The following EYA4 variants were observed in gnomAD, a reference collection of about 807,000 sequenced individuals.
EYA4 encodes the protein protein phosphatase EYA4.
Under a neutral mutation model 87.9 loss-of-function variants are expected in EYA4, and 31 were observed. The observed-to-expected ratio is 0.35, with a 90% confidence interval of 0.27 to 0.48. The LOEUF is 0.48. Among genes scored for constraint, EYA4 ranks in the 20% least tolerant of loss-of-function variants. The probability of loss-of-function intolerance (pLI) is 0.99; values close to 1 mark genes in which losing one functional copy is unlikely to be tolerated. For synonymous variants in EYA4, 263 were observed against 270.6 expected (o/e 0.97, Z 0.28); for missense variants, 678 against 761.4 (o/e 0.89, Z 1.29).
At chr6:133,387,780 T>C (rs1786878559) in intron 3 of EYA4, among the ~76,000 whole-genome samples, 1 of 152,208 alleles carries the variant, frequency 6.6e-6, no homozygotes, top group Admixed American at 6.5e-5. Context: ...GCTTAATCTT[T>C]TTCTTCCCAA....
intron 2 of EYA4, among the ~76,000 whole-genome samples, chr6:133,378,793 A>G (rs1388960397): frequency 6.6e-6 from 1 of 152,058 alleles, no homozygotes; most frequent in Admixed American, 6.6e-5. Flanking sequence ...ATAGTTAAAT[A>G]TTTAACTCTT....
chr6:133,352,189 G>T (rs936555241), intron 2 of EYA4, among the ~76,000 whole-genome samples: 1 of 152,104 alleles, frequency 6.6e-6, no homozygotes, highest in African/African-American at 2.4e-5. Context: ...CAAATAGTCT[G>T]ATAGTTTCAA....
intron 3 of EYA4, among the ~76,000 whole-genome samples, chr6:133,430,794 G>A (rs1309156668): frequency 6.6e-6 from 1 of 152,192 alleles, no homozygotes; most frequent in East Asian, 1.9e-4. Flanking sequence ...CAGGCCTTGT[G>A]CTAGGCTTCT....
At chr6:133,245,475 A>G (rs578191398) in intron 1 of EYA4, among the ~76,000 whole-genome samples, 6 of 152,202 alleles carry the variant, frequency 3.9e-5, no homozygotes, top group Non-Finnish European at 7.4e-5. Flanking sequence ...ATCTTAAACT[A>G]ATTATATTCA....
At chr6:133,372,421 A>G (rs1426880288) in intron 2 of EYA4, among the ~76,000 whole-genome samples, 1 of 152,048 alleles carries the variant, frequency 6.6e-6, no homozygotes, top group Non-Finnish European at 1.5e-5. Context: ...AAAACCTGAG[A>G]AAAGGTGATT....
At chr6:133,254,509 A>AAG (rs1562210485) in intron 1 of EYA4, among the ~76,000 whole-genome samples, 1 of 152,114 alleles carries the variant, frequency 6.6e-6, no homozygotes, top group African/African-American at 2.4e-5. Context: ...TTTTCCATAC[A>AAG]AAGATGAGCA....
At chr6:133,429,991 A>G (rs1192228737) in intron 3 of EYA4, among the ~76,000 whole-genome samples, 1 of 146,228 alleles carries the variant, frequency 6.8e-6, no homozygotes, top group East Asian at 2.0e-4. Flanking sequence ...ACAGCACCCA[A>G]CAGTTAGTTT....
chr6:133,367,136 T>C (rs1784910145), intron 2 of EYA4, among the ~76,000 whole-genome samples: 1 of 152,204 alleles, frequency 6.6e-6, no homozygotes, highest in East Asian at 1.9e-4. Context: ...GCTCACCAAG[T>C]GCCCCCATAA....
At chr6:133,370,714 A>C (rs1785202756) in intron 2 of EYA4, among the ~76,000 whole-genome samples, 1 of 152,208 alleles carries the variant, frequency 6.6e-6, no homozygotes, top group Non-Finnish European at 1.5e-5. Context: ...CCAACTATTT[A>C]AATGAAAGGC....
intron 1 of EYA4, among the ~76,000 whole-genome samples, chr6:133,265,103 A>G (rs1258060860): frequency 6.6e-6 from 1 of 152,148 alleles, no homozygotes; most frequent in Non-Finnish European, 1.5e-5. Context: ...ATGTATTTAA[A>G]TGAGAAGAAA....
chr6:133,280,274 T>C (rs1777512367), intron 2 of EYA4, among the ~76,000 whole-genome samples: 1 of 152,256 alleles, frequency 6.6e-6, no homozygotes, highest in Non-Finnish European at 1.5e-5. Flanking sequence ...CAATTACAGC[T>C]TGACTTTGCA....
chr6:133,358,834 A>G lies in EYA4; in HGVS notation c.34-23558A>G, dbSNP rs375502367. On this transcript the variant is annotated intron_variant, in intron 2 of 19. Coordinates refer to ENST00000355286, the MANE Select transcript of EYA4 (RefSeq NM_004100.5). ...TGATACACACATTGTGATAACTGCT[A>G]AGAAGAAAAACAAGAGGGCACTATG... Among the ~76,000 whole-genome samples, 10 of 152,326 alleles carry G rather than the reference A, an allele frequency of 6.6e-5. 1 individual carries two copies. The highest frequency in any genetic ancestry group is 3.9e-4 in the East Asian group (2 of 5,182).
chr6:133,414,337 T>C (rs1441203942), intron 3 of EYA4, among the ~76,000 whole-genome samples: 1 of 152,234 alleles, frequency 6.6e-6, no homozygotes, highest in African/African-American at 2.4e-5. Flanking sequence ...ACAACCTTTG[T>C]CTGACTCACA....
intron 1 of EYA4, among the ~76,000 whole-genome samples, chr6:133,243,806 T>G (rs1774185334): frequency 6.6e-6 from 1 of 152,190 alleles, no homozygotes; most frequent in Admixed American, 6.5e-5. Flanking sequence ...CATTTGTGTA[T>G]TTTTAAAAAT....
At chr6:133,312,689 T>A (rs1466207164) in intron 2 of EYA4, among the ~76,000 whole-genome samples, 1 of 152,230 alleles carries the variant, frequency 6.6e-6, no homozygotes, top group Non-Finnish European at 1.5e-5. Flanking sequence ...CCTCACCATA[T>A]AGCTTTGCTC....
At chr6:133,273,923 G>A (rs568312952) in intron 1 of EYA4, among the ~76,000 whole-genome samples, 7 of 151,984 alleles carry the variant, frequency 4.6e-5, no homozygotes, top group Non-Finnish European at 8.8e-5. Flanking sequence ...GTGTGTGTGC[G>A]TGTATGTGTT....
intron 1 of EYA4, among the ~76,000 whole-genome samples, chr6:133,244,690 C>A (rs917008378): frequency 4.7e-5 from 7 of 149,886 alleles, no homozygotes; most frequent in African/African-American, 1.2e-4. Context: ...TTATGTTGTA[C>A]TTTGGGGTGT....
chr6:133,500,435 C>T (rs1016645508), intron 13 of EYA4, among the ~76,000 whole-genome samples: 9 of 152,040 alleles, frequency 5.9e-5, no homozygotes, highest in African/African-American at 2.2e-4. Flanking sequence ...CCACTGACTG[C>T]CTGTACCTCA....
intron 1 of EYA4, among the ~76,000 whole-genome samples, chr6:133,262,444 C>T (rs762595651): frequency 1.3e-5 from 2 of 152,180 alleles, no homozygotes; most frequent in African/African-American, 2.4e-5. Context: ...GCCTTAGTAT[C>T]CGTAGGGGTG....
Sources: gnomAD v4.1 joint callset for allele counts (sites outside exome capture counted in the v4.1 genomes callset) on GRCh38, gnomAD v4.1.1 for gene constraint, MANE v1.5 for transcripts, NCBI Gene and HGNC (gene_info 2026-07-23, HGNC 2026-07-21) for gene names.